Variants in EPPK1 observed in about 807,000 individuals in gnomAD.
EPPK1 encodes the protein epiplakin 1.
For missense variants in EPPK1, 3,823 were observed against 3,673.3 expected, an observed-to-expected ratio of 1.04 and a Z score of -1.05; for synonymous variants, 1,862 against 1,721.2, an observed-to-expected ratio of 1.08 and a Z score of -2.03.
Position 143,872,592 on chromosome 8 carries a change from G to A in EPPK1, c.662C>T (p.Ala221Val), listed in dbSNP as rs781967295. Residue 221 changes from alanine to valine, a missense_variant, in exon 2 of 2, where the codon GCC (alanine) becomes GTC (valine). Physicochemically the swap from Ala to Val is moderately conservative, Grantham distance 64. Coordinates refer to ENST00000615648, the MANE Select transcript of EPPK1 (RefSeq NM_031308.4). Reference protein sequence around the residue: ...YHQLLERCVRAPGSGLALLPL... With the variant: ...YHQLLERCVRVPGSGLALLPL... ...CAGCAAGGCTAGCCCCGAGCCGGGG[G>A]CACGCACACACCTTTCCAGCAGCTG... The A allele has an allele frequency of 1.2e-6, 2 of 1,610,048 alleles. No individual in the cohort carries two copies. The highest frequency in any genetic ancestry group is 3.3e-5 in the Admixed American group (2 of 59,876).
At position 143,869,914 on chromosome 8, in the gene EPPK1, G is replaced by T. The variant is rs1554660542; in HGVS notation, c.3340C>A (p.Pro1114Thr). The T allele has an allele frequency of 3.1e-6, 5 of 1,609,172 alleles. No individual in the cohort carries two copies. The East Asian group carries it at 1.1e-4, about 36-fold the overall frequency. The change falls in exon 2 of 2, where the codon CCC becomes ACC. Residue 1114 changes from proline (P) to threonine (T), a missense_variant. Transcript: ENST00000615648. ...RDETSGLHLL[P>T]LPESAPALPT... Reference sequence around the variant, plus strand: ...AGGGCAGGAGCACTTTCTGGCAGGGGCAGGAGGTGAAGGCCAGAAGTCTCA... The same window carrying T: ...AGGGCAGGAGCACTTTCTGGCAGGGTCAGGAGGTGAAGGCCAGAAGTCTCA...
chr8:143,873,562 C>T (rs1307839671), intron 1 of EPPK1, among the ~76,000 whole-genome samples: 5 of 152,080 alleles, frequency 3.3e-5, no homozygotes, highest in East Asian at 1.9e-4. Context: ...CTGTCCCTCC[C>T]GCAGGCTGTC....
Position 143,866,191 on chromosome 8 carries a change from G to A in EPPK1, c.7063C>T (p.His2355Tyr). The change falls in exon 2 of 2, where the codon CAC (histidine) becomes TAC (tyrosine). Residue 2355 changes from histidine to tyrosine, a missense_variant. His to Tyr is a moderately conservative substitution (Grantham distance 83, BLOSUM62 2). Transcript: ENST00000615648. ...TGGVIDPVHS[H>Y]RVPVDVAYRR... Reference sequence around the variant, plus strand: ...TAGGCCACGTCCACGGGCACGCGGTGGCTGTGCACGGGGTCGATGACGCCG... The same window carrying A: ...TAGGCCACGTCCACGGGCACGCGGTAGCTGTGCACGGGGTCGATGACGCCG... 6.9e-6 allele frequency: 3 copies of A among 433,552 alleles called. No individual in the cohort carries two copies. The highest frequency in any genetic ancestry group is 1.2e-5 in the Non-Finnish European group (3 of 259,258). 26.9% of individuals were successfully genotyped at this position (433,552 alleles called of 1,614,324 possible). A position where few individuals can be genotyped will look rare whatever the true frequency, so the allele number is the denominator to read the frequency against.
chr8:143,870,049 C>T lies in EPPK1; in HGVS notation c.3205G>A (p.Val1069Ile). 18 of 1,610,926 alleles carry T rather than the reference C, an allele frequency of 1.1e-5. No individual in the cohort carries two copies. Among genetic ancestry groups the T allele is most frequent in the Non-Finnish European group, 1.4e-5 (17 of 1,179,062 alleles). The change falls in exon 2 of 2, where the codon GTT becomes ATT. Residue 1069 changes from valine to isoleucine, a missense_variant. Transcript: ENST00000615648. The surrounding 1 kb of genome is among the most constrained non-coding windows in gnomAD (Gnocchi z 5.2). ...PMPVAIQRGY[V>I]DQEMETALSS... is the part of the protein sequence containing the mutation. ...AAGGCTGTCTCCATCTCCTGGTCAA[C>T]ATAGCCACGCTGAATGGCCACTGGC...
chr8:143,868,069 A>G lies in EPPK1; in HGVS notation c.5185T>C (p.Phe1729Leu), dbSNP rs782063523. Residue 1729 changes from phenylalanine (F) to leucine (L), a missense_variant, in exon 2 of 2, where the codon TTC becomes CTC. Phe to Leu is a conservative substitution (Grantham distance 22). Transcript: ENST00000615648. Reference sequence around the variant, plus strand: ...AGGTTCTCGTGCGTGTTGGGGTCGAAGAAGCCCTTGGTGTCGTCGCTGGGG... The same window carrying G: ...AGGTTCTCGTGCGTGTTGGGGTCGAGGAAGCCCTTGGTGTCGTCGCTGGGG... The part of the protein sequence containing the change: ...ADPSDDTKGF[F>L]DPNTHENLTY... The G allele has an allele frequency of 6.2e-7, 1 of 1,613,608 alleles. No individual in the cohort carries two copies. Among genetic ancestry groups the G allele is most frequent in the Non-Finnish European group, 8.5e-7 (1 of 1,180,024 alleles).
chr8:143,857,658 A>T lies in EPPK1; in HGVS notation c.*329T>A. On this transcript the variant is annotated 3_prime_UTR_variant, in exon 2 of 2. Coordinates refer to ENST00000615648, the MANE Select transcript of EPPK1 (RefSeq NM_031308.4). ...GAGTACCCGATGGCATGATGGACTG[A>T]GAGTCTAAAGAGTGACATTCTGTAA... 1 of 320,394 alleles carries T rather than the reference A, an allele frequency of 3.1e-6. No homozygotes were observed. The highest frequency in any genetic ancestry group is 5.7e-6 in the Non-Finnish European group (1 of 176,832). The allele number at this position is 320,394 out of a possible 1,614,324, so 19.8% of individuals were successfully genotyped here. A position where few individuals can be genotyped will look rare whatever the true frequency, so the allele number is the denominator to read the frequency against.
In EPPK1 at chr8:143,859,631, G is replaced by A. The variant is rs1224157128; in HGVS notation, c.13623C>T (p.Pro4541=). ...TYVQLLRRCV[P]DPDTGLYMLQ... ...GCATGTAGAGCCCGGTGTCCGGGTC[G>A]GGCACGCAGCGGCGCAGCAGCTGCA... The change falls in exon 2 of 2, where the codon CCC becomes CCT. Residue 4541 remains proline, a synonymous_variant. Coordinates refer to ENST00000615648, the MANE Select transcript of EPPK1 (RefSeq NM_031308.4). The A allele has an allele frequency of 3.9e-6, 2 of 512,898 alleles. No homozygotes were observed. Among genetic ancestry groups the A allele is most frequent in the East Asian group, 2.9e-5 (1 of 34,870 alleles). 31.8% of individuals were successfully genotyped at this position (512,898 alleles called of 1,614,324 possible). A position where few individuals can be genotyped will look rare whatever the true frequency, so the allele number is the denominator to read the frequency against.
chr8:143,866,936 C>T lies in EPPK1; in HGVS notation c.6318G>A (p.Glu2106=), dbSNP rs782003100. The T allele has an allele frequency of 6.2e-7, 1 of 1,612,968 alleles. No homozygotes were observed. The highest frequency in any genetic ancestry group is 1.3e-5 in the African/African-American group (1 of 75,052). Residue 2106 remains glutamate, a synonymous_variant, in exon 2 of 2, where the codon GAG becomes GAA. Transcript: ENST00000615648. ...DDETRRALEA[E]QVEITVGRFR... ...ACCTTCCCACTGTGATTTCCACTTG[C>T]TCTGCCTCCAGGGCCCTTCTCGTCT...
Position 143,876,968 on chromosome 8 carries a change from C to A in EPPK1, c.-46+1470G>T, listed in dbSNP as rs912060895. 2.0e-5 allele frequency among the ~76,000 whole-genome samples: 3 copies of A among 152,362 alleles called. No individual in the cohort carries two copies. In the South Asian group the frequency reaches 6.2e-4, roughly 32 times the overall value. ...GCACAGGCCGCCAGCCCAGACAGGC[C>A]GCGTGCTAAGCGGGCCTCGTAAGCT... On this transcript the variant is annotated intron_variant, in intron 1 of 1. Transcript: ENST00000615648.
In EPPK1 at chr8:143,870,256, T is replaced by C; in HGVS notation, c.2998A>G (p.Arg1000Gly). ...ATGGCACCCTCAGCCCGCTTCAGCC[T>C]GCCATACAGCTCCGGCCCCACCACA... ...RGVVGPELYG[R>G]LKRAEGAIAG... Residue 1000 changes from arginine to glycine, a missense_variant, in exon 2 of 2, where the codon AGG becomes GGG. Transcript: ENST00000615648. This position sits in a 1 kb window ranked among gnomAD's most constrained non-coding sequence, Gnocchi z 5.2. The C allele has an allele frequency of 6.2e-7, 1 of 1,600,224 alleles. No homozygotes were observed. The highest frequency in any genetic ancestry group is 8.5e-7 in the Non-Finnish European group (1 of 1,175,436).
At position 143,871,576 on chromosome 8, in the gene EPPK1, AGGTGACCCTGGCAGT is replaced by A. The variant is rs1819350408; in HGVS notation, c.1663_1677del (p.Thr555_Thr559del). The A allele has an allele frequency of 6.2e-7, 1 of 1,609,888 alleles. No homozygotes were observed. Among genetic ancestry groups the A allele is most frequent in the Admixed American group, 1.7e-5 (1 of 59,724 alleles). On this transcript the variant is annotated inframe_deletion, in exon 2 of 2. Coordinates refer to ENST00000615648, the MANE Select transcript of EPPK1 (RefSeq NM_031308.4). ...GTCACGGTGTCCCTCAGCCCAGAAA[AGGTGACCCTGGCAGT>A]GGCTGCAGCCTGCTCGAGGGTGGCG...
rs1819153576 is a variant in EPPK1, at chr8:143,867,179, G to GGA, written c.6074_6075insTC (p.Leu2027HisfsTer25). 6.2e-7 allele frequency: 1 copy of GGA among 1,612,600 alleles called. No homozygotes were observed. The highest frequency in any genetic ancestry group is 8.5e-7 in the Non-Finnish European group (1 of 1,179,748). Reference sequence around the variant, plus strand: ...CCCGTCTGTAGGCTGTTTCCAGTGGGAGCCGGTGGTGGTGCTGTGGGTCGA... The same window carrying GGA: ...CCCGTCTGTAGGCTGTTTCCAGTGGGGAAGCCGGTGGTGGTGCTGTGGGTCGA... On this transcript the variant is annotated frameshift_variant, in exon 2 of 2. Transcript: ENST00000615648. LOFTEE classifies it low-confidence loss of function (END_TRUNC).
rs1409115192 is a variant in EPPK1 at position 143,867,885 on chromosome 8, G to A, written c.5369C>T (p.Ala1790Val). The change falls in exon 2 of 2, where the codon GCT becomes GTT. Residue 1790 changes from alanine to valine, a missense_variant. Ala to Val is a moderately conservative substitution (Grantham distance 64). Coordinates refer to ENST00000615648, the MANE Select transcript of EPPK1 (RefSeq NM_031308.4). ...GTCCCAGAAAGAGACCACCTGGTCA[G>A]CAAACCTCCCCACGCGCATTTTTGC... ...RTAKMRVGRF[A>V]DQVVSFWDLL... 3 of 1,613,160 alleles carry A rather than the reference G, an allele frequency of 1.9e-6. No individual in the cohort carries two copies. Among genetic ancestry groups the A allele is most frequent in the Non-Finnish European group, 1.7e-6 (2 of 1,179,654 alleles).
Position 143,866,495 on chromosome 8 carries a change from C to T in EPPK1, c.6759G>A (p.Val2253=), listed in dbSNP as rs1161561779. The stretch of plus-strand genomic sequence containing the variant: ...GCACCAGGGCCGTGCCGGGCCGCAG[C>T]ACGCCCTTCCACATGGCCTGGTAGA... ...MSIYQAMWKG[V]LRPGTALVLL... is the part of the protein sequence containing the mutation. Residue 2253 remains valine, a synonymous_variant, in exon 2 of 2, where the codon GTG becomes GTA. Transcript: ENST00000615648. The T allele has an allele frequency of 8.4e-6, 13 of 1,545,278 alleles. No homozygotes were observed. The highest frequency in any genetic ancestry group is 1.1e-5 in the Non-Finnish European group (13 of 1,151,396).
In EPPK1 at chr8:143,867,400, CCA is replaced by C; in HGVS notation, c.5852_5853del (p.Val1951GlyfsTer2). The C allele has an allele frequency of 6.2e-7, 1 of 1,612,910 alleles. No individual in the cohort carries two copies. Among genetic ancestry groups the C allele is most frequent in the East Asian group, 2.2e-5 (1 of 44,880 alleles). On this transcript the variant is annotated frameshift_variant, in exon 2 of 2. Coordinates refer to ENST00000615648, the MANE Select transcript of EPPK1 (RefSeq NM_031308.4). LOFTEE classifies it low-confidence loss of function (END_TRUNC). ...LDPCTRQKLSVDEAVDVGLVN... is the reference protein window; with the variant it reads ...LDPCTRQKLSXDEAVDVGLVN... ...ACCAGGCCCACATCCACAGCCTCAT[CCA>C]CAGAGAGCTTCTGGCGGGTGCAGGG...
Position 143,868,421 on chromosome 8 carries a change from G to C in EPPK1, c.4833C>G (p.Thr1611=). 6.2e-7 allele frequency: 1 copy of C among 1,612,538 alleles called. No individual in the cohort carries two copies. Among genetic ancestry groups the C allele is most frequent in the Non-Finnish European group, 8.5e-7 (1 of 1,179,776 alleles). The change falls in exon 2 of 2, where the codon ACC becomes ACG. Residue 1611 remains threonine, a synonymous_variant. Transcript: ENST00000615648. The stretch of plus-strand genomic sequence containing the variant: ...TCTCCACGGGGTCGATGATGAAGCC[G>C]GTAGCTGCCTGTGCCTCCAGCAGCA... The part of the protein sequence containing the change: ...ALVLLEAQAA[T]GFIIDPVENR...
rs1177080530 is a variant in EPPK1, at chr8:143,871,496, C to T, written c.1758G>A (p.Leu586=). ...EIIDQDLYER[L]EHGQATAKDV... ...CCTTGGCTGTGGCCTGTCCATGCTC[C>T]AGCCGCTCGTACAGGTCCTGGTCGA... is the stretch of plus-strand genomic sequence containing the variant. Residue 586 remains leucine, a synonymous_variant, in exon 2 of 2, where the codon CTG becomes CTA. Transcript: ENST00000615648. 8 of 1,609,494 alleles carry T rather than the reference C, an allele frequency of 5.0e-6. No homozygotes were observed. The highest frequency in any genetic ancestry group is 1.1e-5 in the South Asian group (1 of 90,506).
At position 143,866,437 on chromosome 8, in the gene EPPK1, T is replaced by C. The variant is rs1819109000; in HGVS notation, c.6817A>G (p.Ile2273Val). ...AGCCTCAGGTTGCGCACGGGGTCGA[T>C]GACGAAGCCGGTGGCCGCCTGCGCC... ...LEAQAATGFV[I>V]DPVRNLRLSV... The change falls in exon 2 of 2, where the codon ATC (isoleucine) becomes GTC (valine). Residue 2273 changes from isoleucine (I) to valine (V), a missense_variant. Coordinates refer to ENST00000615648, the MANE Select transcript of EPPK1 (RefSeq NM_031308.4). 19 of 1,350,516 alleles carry C rather than the reference T, an allele frequency of 1.4e-5. No homozygotes were observed. The highest frequency in any genetic ancestry group is 1.9e-5 in the Non-Finnish European group (19 of 1,011,138). 83.7% of individuals were successfully genotyped at this position (1,350,516 alleles called of 1,614,324 possible).
rs1554660712 is a variant in EPPK1, at chr8:143,870,290, C to A, written c.2964G>T (p.Val988=). 2 of 1,584,402 alleles carry A rather than the reference C, an allele frequency of 1.3e-6. No individual in the cohort carries two copies. The highest frequency in any genetic ancestry group is 1.7e-5 in the Admixed American group (1 of 57,454). Residue 988 remains valine, a synonymous_variant, in exon 2 of 2, where the codon GTG becomes GTT. Coordinates refer to ENST00000615648, the MANE Select transcript of EPPK1 (RefSeq NM_031308.4). The surrounding 1 kb of genome is among the most constrained non-coding windows in gnomAD (Gnocchi z 5.2). The part of the protein sequence containing the change: ...SPESLSVDEA[V]RRGVVGPELY... ...GCTCCGGCCCCACCACACCCCTGCG[C>A]ACGGCCTCATCCACCGAGAGGCTCT...
Sources: allele counts gnomAD v4.1 joint callset (sites outside exome capture counted in the v4.1 genomes callset), GRCh38; gene constraint gnomAD v4.1.1; non-coding constraint Gnocchi (gnomAD v3.1); transcripts MANE v1.5; gene names NCBI Gene and HGNC (gene_info 2026-07-23, HGNC 2026-07-21).